The following PTK7 variants were observed in gnomAD, a reference collection of about 807,000 sequenced individuals.
PTK7 encodes inactive tyrosine-protein kinase 7.
In PTK7, 39 loss-of-function variants were observed where a neutral mutation model predicts 116.6. That is an observed-to-expected ratio of 0.33 (90% CI 0.26 to 0.44). The LOEUF (loss-of-function observed/expected upper bound fraction) is 0.44, where lower values mean the gene tolerates loss of function less well. Among genes scored for constraint, PTK7 ranks in the 20% least tolerant of loss-of-function variants. PTK7 has a pLI of 1.00. For synonymous variants in PTK7, 546 were observed against 563.6 expected, an observed-to-expected ratio of 0.97 and a Z score of 0.44; for missense variants, 1,169 against 1,425.6, an observed-to-expected ratio of 0.82 and a Z score of 2.90.
At position 43,141,974 on chromosome 6, in the gene PTK7, C is replaced by T. The variant is rs140182606; in HGVS notation, c.1812C>T (p.Tyr604=). 3 of 1,613,620 alleles carry T rather than the reference C, an allele frequency of 1.9e-6. No homozygotes were observed. Among genetic ancestry groups the T allele is most frequent in the African/African-American group, 2.7e-5 (2 of 75,004 alleles). Residue 604 remains tyrosine (Y), a synonymous_variant, in exon 12 of 20, where the codon TAC becomes TAT. Transcript: ENST00000230419. This position sits in a 1 kb window ranked among gnomAD's most constrained non-coding sequence, Gnocchi z 4.9. Reference sequence around the variant, plus strand: ...TGGAACCAGAGCGTACGACTGTGTACCAGGGCCACACAGCCCTACTGCAGT... The same window carrying T: ...TGGAACCAGAGCGTACGACTGTGTATCAGGGCCACACAGCCCTACTGCAGT... ...FKVEPERTTV[Y]QGHTALLQCE... is the part of the protein sequence containing the mutation.
intron 1 of PTK7, among the ~76,000 whole-genome samples, chr6:43,124,001 G>A (rs1769127741): frequency 6.6e-6 from 1 of 152,206 alleles, no homozygotes; most frequent in Admixed American, 6.5e-5. Flanking sequence ...TTTGGCAGCA[G>A]CAAAGCTGCA....
intron 1 of PTK7, among the ~76,000 whole-genome samples, chr6:43,095,391 A>AAAC (rs888294054): frequency 1.3e-5 from 2 of 152,164 alleles, no homozygotes; most frequent in South Asian, 2.1e-4. Context: ...AAACAAACCA[A>AAAC]AACAACAACA....
In PTK7 at chr6:43,145,453, G is replaced by T; in HGVS notation, c.2640+21G>T. 1 of 1,519,496 alleles carries T rather than the reference G, an allele frequency of 6.6e-7. No individual in the cohort carries two copies. The highest frequency in any genetic ancestry group is 1.3e-5 in the South Asian group (1 of 78,382). 94.1% of individuals were successfully genotyped at this position (1,519,496 alleles called of 1,614,324 possible). ...ATCTGGTATGCTGTTGGCAGGGGAC[G>T]TGGGGGTCTCGGGTAGGGAGGGCAG... On this transcript the variant is annotated intron_variant, in intron 16 of 19. Coordinates refer to ENST00000230419, the MANE Select transcript of PTK7 (RefSeq NM_002821.5). This position sits in a 1 kb window ranked among gnomAD's most constrained non-coding sequence, Gnocchi z 4.8.
Position 43,130,431 on chromosome 6 carries a change from G to T in PTK7, c.661+11G>T. 2.5e-6 allele frequency: 4 copies of T among 1,603,982 alleles called. No homozygotes were observed. The highest frequency in any genetic ancestry group is 1.1e-5 in the South Asian group (1 of 90,764). ...CCTTGAGCATTGCTGGTGAGCCTGG[G>T]GTGGGGGCGGAAGGGATGAGGTGAG... On this transcript the variant is annotated intron_variant, in intron 4 of 19. Coordinates refer to ENST00000230419, the MANE Select transcript of PTK7 (RefSeq NM_002821.5).
intron 17 of PTK7, among the ~76,000 whole-genome samples, chr6:43,157,352 ATATATATATATATTTTTTTTTTTCTTTTT>A (rs1301426803): frequency 0.02 from 94 of 4,614 alleles, 6 homozygotes; most frequent in African/African-American, 0.069. Context: ...ATATATATAT[ATATATATATATATTTTTTTTTTTCTTTTT>A]TTTTTTTTTT....
intron 1 of PTK7, chr6:43,077,006 G>T (rs770639859): frequency 7.2e-5 from 104 of 1,452,042 alleles, no homozygotes; most frequent in Non-Finnish European, 9.3e-5. Context: ...GCTGGTTTGG[G>T]GCCCGATGCC....
intron 1 of PTK7, among the ~76,000 whole-genome samples, chr6:43,086,448 G>T (rs1410389681): frequency 5.9e-5 from 9 of 151,734 alleles, no homozygotes; most frequent in South Asian, 2.1e-4. Flanking sequence ...CCTTGGGGTG[G>T]TGGCGGGGCA....
intron 1 of PTK7, among the ~76,000 whole-genome samples, chr6:43,106,776 G>T (rs901694269): frequency 6.8e-6 from 1 of 147,956 alleles, no homozygotes; most frequent in African/African-American, 2.5e-5. Context: ...CGTGACACCC[G>T]GCTAATTTTT....
In PTK7 at chr6:43,079,321, G is replaced by A. The variant is rs1180627671; in HGVS notation, c.79+2754G>A. 3.3e-5 allele frequency among the ~76,000 whole-genome samples: 5 copies of A among 152,228 alleles called. No homozygotes were observed. In the East Asian group the frequency reaches 5.8e-4, roughly 18 times the overall value. ...TCTCTACTAAAAATACAAAAAATTA[G>A]CCAGGCGTGGTGGCGGGTGCCCGTA... On this transcript the variant is annotated intron_variant, in intron 1 of 19. Coordinates refer to ENST00000230419, the MANE Select transcript of PTK7 (RefSeq NM_002821.5).
intron 1 of PTK7, among the ~76,000 whole-genome samples, chr6:43,104,479 A>G (rs6924235): frequency 0.11 from 16,477 of 150,498 alleles, 1,414 homozygotes; most frequent in East Asian, 0.33. Context: ...GGTGTGAGCT[A>G]GGCCCATTGT....
chr6:43,106,094 T>G (rs973990783), intron 1 of PTK7, among the ~76,000 whole-genome samples: 28 of 152,108 alleles, frequency 1.8e-4, no homozygotes, highest in African/African-American at 5.1e-4. Context: ...GTGATTTTTT[T>G]TTGTTGTTGG....
At chr6:43,098,247 G>T (rs1767364571) in intron 1 of PTK7, among the ~76,000 whole-genome samples, 1 of 152,012 alleles carries the variant, frequency 6.6e-6, no homozygotes, top group African/African-American at 2.4e-5. Context: ...CCATTGGTTA[G>T]TATGCCCTTC....
At chr6:43,116,604 T>TTGTGTG (rs751605217) in intron 1 of PTK7, among the ~76,000 whole-genome samples, 1,548 of 119,076 alleles carry the variant, frequency 0.013, 17 homozygotes, top group East Asian at 0.019. Context: ...AAAAGCTGGT[T>TTGTGTG]TGTGTGTGTG....
At chr6:43,125,436 GTCTC>G (rs1192266677) in intron 1 of PTK7, among the ~76,000 whole-genome samples, 1 of 152,220 alleles carries the variant, frequency 6.6e-6, no homozygotes, top group Non-Finnish European at 1.5e-5. Flanking sequence ...CTGAGCTGGG[GTCTC>G]TCTGAGTCAC....
intron 1 of PTK7, among the ~76,000 whole-genome samples, chr6:43,110,897 G>A (rs377625236): frequency 2.0e-5 from 3 of 152,144 alleles, no homozygotes; most frequent in African/African-American, 7.2e-5. Context: ...CTCTGTTGGC[G>A]GGGCCTCCTA....
intron 1 of PTK7, among the ~76,000 whole-genome samples, chr6:43,083,771 C>T (rs545614129): frequency 6.6e-6 from 1 of 152,320 alleles, no homozygotes; most frequent in South Asian, 2.1e-4. Flanking sequence ...ACCAGGTGTC[C>T]TGCAGATCCC....
chr6:43,125,947 TG>T (rs1769264276), intron 1 of PTK7, among the ~76,000 whole-genome samples: 1 of 151,944 alleles, frequency 6.6e-6, no homozygotes, highest in Non-Finnish European at 1.5e-5. Context: ...AGCGAGGAAG[TG>T]GGGGCTTGTC....
intron 13 of PTK7, 105 bp downstream of exon 13, chr6:43,142,404 G>A: frequency 6.5e-7 from 1 of 1,536,900 alleles, no homozygotes; most frequent in Non-Finnish European, 8.9e-7. Flanking sequence ...AGCCATTTTT[G>A]TGGCAGCGGT....
In PTK7 at chr6:43,132,021, C is replaced by A. The variant is rs151126990; in HGVS notation, c.818C>A (p.Pro273Gln). 12 of 1,613,940 alleles carry A rather than the reference C, an allele frequency of 7.4e-6. No individual in the cohort carries two copies. Among genetic ancestry groups the A allele is most frequent in the Non-Finnish European group, 9.3e-6 (11 of 1,180,038 alleles). Residue 273 changes from proline (P) to glutamine (Q), a missense_variant, in exon 6 of 20, where the codon CCA (proline) becomes CAA (glutamine). By Grantham distance (76) the Pro-to-Gln change is moderately conservative. Coordinates refer to ENST00000230419, the MANE Select transcript of PTK7 (RefSeq NM_002821.5). ...ETPITNRSRP[P>Q]HLRRATVFAN... is the part of the protein sequence containing the mutation. ...TTGCACTCTCCCCTCTGCAGCCCCC[C>A]ACACCTCCGCAGAGCCACAGTGTTT...
Sources: allele counts gnomAD v4.1 joint callset (sites outside exome capture counted in the v4.1 genomes callset), GRCh38; gene constraint gnomAD v4.1.1; non-coding constraint Gnocchi (gnomAD v3.1); transcripts MANE v1.5; gene names NCBI Gene and HGNC (gene_info 2026-07-23, HGNC 2026-07-21).